Variants in CHD2 observed in about 807,000 individuals in gnomAD.
CHD2 encodes the protein chromodomain helicase DNA binding protein 2.
CHD2 carries 28 observed loss-of-function variants against 243.9 expected under a neutral mutation model. The ratio of observed to expected loss-of-function variants is 0.11; its 90% CI spans 0.09 to 0.16. CHD2 has a LOEUF of 0.16. Among genes scored for constraint, CHD2 ranks in the 10% least tolerant of loss-of-function variants. The pLI is 1.00. For synonymous variants in CHD2, 775 were observed against 779.0 expected (o/e 0.99, Z 0.09); for missense variants, 1,386 against 2,209.8 (o/e 0.63, Z 7.47).
At position 92,901,196 on chromosome 15, in the gene CHD2, AAC is replaced by A. The variant is rs779159885; in HGVS notation, c.-38_-37del. ...TACCTGGGCACAGGACTTCAAAGCA[AAC>A]ACAGATTCCCCCTCCCCCTTAATAT... On this transcript the variant is annotated 5_prime_UTR_variant, in exon 2 of 39. Coordinates refer to ENST00000394196, the MANE Select transcript of CHD2 (RefSeq NM_001271.4). 3.2e-6 allele frequency: 4 copies of A among 1,260,496 alleles called. No homozygotes were observed. The highest frequency in any genetic ancestry group is 4.6e-6 in the Non-Finnish European group (4 of 864,128). The allele number at this position is 1,260,496 out of a possible 1,614,324, so 78.1% of individuals were successfully genotyped here. A position where few individuals can be genotyped will look rare whatever the true frequency, so the allele number is the denominator to read the frequency against.
chr15:92,905,312 C>T (rs1460128228), intron 2 of CHD2, among the ~76,000 whole-genome samples: 1 of 152,092 alleles, frequency 6.6e-6, no homozygotes, highest in Non-Finnish European at 1.5e-5. Context: ...CACTGATTTG[C>T]CTTGTTTGGA....
chr15:92,937,401 G>A (rs766230009), intron 5 of CHD2, 117 bp from the exon 6 acceptor site: 27 of 669,032 alleles, frequency 4.0e-5, no homozygotes, highest in Non-Finnish European at 5.6e-5. Context: ...CTTTTAGCAT[G>A]TCTAAAATGT....
chr15:92,962,634 G>A (rs1453282571), intron 16 of CHD2, among the ~76,000 whole-genome samples: 1 of 152,156 alleles, frequency 6.6e-6, no homozygotes, highest in Non-Finnish European at 1.5e-5. Flanking sequence ...TGTTTGAGTA[G>A]TGTTTTGTAA....
chr15:92,935,067 G>T (rs1246572233), intron 5 of CHD2, among the ~76,000 whole-genome samples: 15 of 141,340 alleles, frequency 1.1e-4, no homozygotes, highest in Non-Finnish European at 2.3e-4. Context: ...ACAGAGTCTC[G>T]CTTTGTCACC....
chr15:92,909,073 G>GACACACC (rs139521704), intron 2 of CHD2, among the ~76,000 whole-genome samples: 34,568 of 149,068 alleles, frequency 0.23, 4,613 homozygotes, highest in East Asian at 0.62. Flanking sequence ...TAGATGAACT[G>GACACACC]ACACACCACT....
At chr15:92,970,337 G>C (rs944115542) in intron 17 of CHD2, among the ~76,000 whole-genome samples, 32 of 152,086 alleles carry the variant, frequency 2.1e-4, no homozygotes, top group African/African-American at 7.5e-4. Flanking sequence ...GACTAGCTGG[G>C]ATTACAGGCA....
At position 93,024,417 on chromosome 15, in the gene CHD2, T is replaced by G. The variant is rs775832694; in HGVS notation, c.5199T>G (p.Pro1733=). 9 of 1,614,154 alleles carry G rather than the reference T, an allele frequency of 5.6e-6. No individual in the cohort carries two copies. The highest frequency in any genetic ancestry group is 7.6e-6 in the Non-Finnish European group (9 of 1,180,038). The change falls in exon 39 of 39, where the codon CCT becomes CCG. Residue 1733 remains proline, a synonymous_variant. Coordinates refer to ENST00000394196, the MANE Select transcript of CHD2 (RefSeq NM_001271.4). ...SKRRRSDEFR[P]QNYHQQDFRR... ...GGAGGAGATCCGATGAATTTAGGCC[T>G]CAAAATTACCACCAGCAGGATTTCC...
chr15:92,931,963 A>G (rs1185857717), intron 5 of CHD2, among the ~76,000 whole-genome samples: 2 of 151,654 alleles, frequency 1.3e-5, no homozygotes, highest in Non-Finnish European at 2.9e-5. Context: ...CCGGGGTTCA[A>G]GCAATTCTCC....
intron 22 of CHD2, among the ~76,000 whole-genome samples, chr15:92,979,951 A>T (rs183569946): frequency 6.6e-6 from 1 of 151,392 alleles, no homozygotes; most frequent in Non-Finnish European, 1.5e-5. Flanking sequence ...TATCAAGATA[A>T]TAATGATATC....
chr15:92,958,979 C>T (rs1306360103), intron 16 of CHD2, among the ~76,000 whole-genome samples: 1 of 152,066 alleles, frequency 6.6e-6, no homozygotes, highest in Non-Finnish European at 1.5e-5. Flanking sequence ...AGGACATAAC[C>T]CTGTTGTAAG....
chr15:93,007,921 A>T (rs2054342042), intron 34 of CHD2, among the ~76,000 whole-genome samples: 1 of 152,208 alleles, frequency 6.6e-6, no homozygotes, highest in Middle Eastern at 3.4e-3. Context: ...TCCATTGTTC[A>T]CGTTACACAC....
chr15:93,013,558 T>C (rs891521327), intron 36 of CHD2, among the ~76,000 whole-genome samples: 6 of 152,232 alleles, frequency 3.9e-5, no homozygotes, highest in African/African-American at 1.4e-4. Context: ...GCAGTTTTGC[T>C]TCCAGGAATT....
chr15:92,932,836 T>TCCACCTCCTG (rs11267768), intron 5 of CHD2, among the ~76,000 whole-genome samples: 2 of 151,940 alleles, frequency 1.3e-5, no homozygotes, highest in African/African-American at 4.8e-5. Flanking sequence ...CAGCTCACTG[T>TCCACCTCCTG]GACTCAAGTG....
chr15:92,991,853 A>T (rs149914534), intron 27 of CHD2: 144 of 186,398 alleles, frequency 7.7e-4, no homozygotes, highest in African/African-American at 3.1e-3. Context: ...TATTATTTGT[A>T]TCCTAGTTCT....
intron 2 of CHD2, among the ~76,000 whole-genome samples, chr15:92,922,166 T>C (rs1161003107): frequency 2.6e-5 from 4 of 152,022 alleles, no homozygotes; most frequent in East Asian, 3.9e-4. Flanking sequence ...TAGAAAGAAA[T>C]GAGCTTTAGA....
rs879012539 is a variant in CHD2, at chr15:92,949,206, T to C, written c.1502+130T>C. 4.1e-5 allele frequency: 61 copies of C among 1,502,964 alleles called. 1 individual carries two copies. In the South Asian group the frequency reaches 7.0e-4, roughly 17 times the overall value. The allele number at this position is 1,502,964 out of a possible 1,614,324, so 93.1% of individuals were successfully genotyped here. On this transcript the variant is annotated intron_variant, in intron 13 of 38. Transcript: ENST00000394196. ...AACCAAGAAATCTTTATGCTGCATA[T>C]TACAGAAATAAAAGATGATTGAGAG... is the stretch of plus-strand genomic sequence containing the variant.
intron 2 of CHD2, among the ~76,000 whole-genome samples, chr15:92,910,294 A>T (rs2052707845): frequency 6.6e-6 from 1 of 152,198 alleles, no homozygotes; most frequent in African/African-American, 2.4e-5. Context: ...TCAGTATAGC[A>T]AAAATGTTAG....
chr15:92,903,116 TTTAAA>T (rs575149096), intron 2 of CHD2, among the ~76,000 whole-genome samples: 312 of 152,320 alleles, frequency 2.0e-3, no homozygotes, highest in Non-Finnish European at 4.0e-3. Flanking sequence ...GATAGTTACT[TTTAAA>T]TTAGTTACCC....
At chr15:93,010,620 C>T (rs1243093096) in intron 35 of CHD2, among the ~76,000 whole-genome samples, 1 of 152,170 alleles carries the variant, frequency 6.6e-6, no homozygotes, top group East Asian at 1.9e-4. Flanking sequence ...GATGGGGTTT[C>T]ATCATGTTGA....
Sources: allele counts gnomAD v4.1 joint callset (sites outside exome capture counted in the v4.1 genomes callset), GRCh38; gene constraint gnomAD v4.1.1; transcripts MANE v1.5; gene names NCBI Gene and HGNC (gene_info 2026-07-23, HGNC 2026-07-21).